The following FBXO3 variants were observed in gnomAD, a reference collection of about 807,000 sequenced individuals.
FBXO3 encodes the protein F-box protein 3, also known as F-box only protein 3.
In FBXO3, 17 loss-of-function variants were observed where a neutral mutation model predicts 64.8. The ratio of observed to expected loss-of-function variants is 0.26; its 90% CI spans 0.18 to 0.39. FBXO3 has a LOEUF of 0.39. Among genes scored for constraint, FBXO3 ranks in the 10% least tolerant of loss-of-function variants. The pLI is 1.00. For synonymous variants in FBXO3, 182 were observed against 201.6 expected, an observed-to-expected ratio of 0.90 and a Z score of 0.82; for missense variants, 420 against 589.9, an observed-to-expected ratio of 0.71 and a Z score of 2.98.
chr11:33,758,724 C>T, intron 3 of FBXO3, 123 bp from the exon 4 acceptor site: 1 of 557,948 alleles, frequency 1.8e-6, no homozygotes, highest in Non-Finnish European at 2.9e-6. Flanking sequence ...AAATATATGG[C>T]TGAAATAGAA....
At chr11:33,764,752 T>C (rs1021363399) in intron 3 of FBXO3, among the ~76,000 whole-genome samples, 1 of 152,120 alleles carries the variant, frequency 6.6e-6, no homozygotes, top group African/African-American at 2.4e-5. Context: ...CACGGGCAGA[T>C]CACTTGTGGT....
chr11:33,769,022 G>A lies in FBXO3; in HGVS notation c.195-8C>T. On this transcript the variant is annotated splice_polypyrimidine_tract_variant and splice_region_variant and intron_variant, in intron 2 of 10. Transcript: ENST00000265651. ...TTCTGTGTTTTCTCTTCCCTAAATA[G>A]ATGAAAAACATGAGATTTTAAATCT... 1 of 1,585,282 alleles carries A rather than the reference G, an allele frequency of 6.3e-7. No homozygotes were observed. The highest frequency in any genetic ancestry group is 8.6e-7 in the Non-Finnish European group (1 of 1,169,128).
Position 33,747,202 on chromosome 11 carries a change from G to A in FBXO3, c.1167C>T (p.Asp389=). The A allele has an allele frequency of 6.2e-7, 1 of 1,611,354 alleles. No homozygotes were observed. The highest frequency in any genetic ancestry group is 8.5e-7 in the Non-Finnish European group (1 of 1,179,204). ...GGGGAATGGCAACATTAAAGATCTT[G>A]TCTTTAAAGTAAAGAAAATGGAAGG... is the stretch of plus-strand genomic sequence containing the variant. The part of the protein sequence containing the change: ...YYTFHFLYFK[D]KIFNVAIPRF... Residue 389 remains aspartate, a synonymous_variant, in exon 10 of 11, where the codon GAC becomes GAT. Coordinates refer to ENST00000265651, the MANE Select transcript of FBXO3 (RefSeq NM_012175.4).
At chr11:33,753,242 T>C (rs1445911109) in intron 6 of FBXO3, 1 of 152,218 alleles carries the variant, frequency 6.6e-6, no homozygotes, top group African/African-American at 2.4e-5. Context: ...TCAGTGTCTC[T>C]CAATCTTTTG....
chr11:33,756,408 C>G (rs1855098783), intron 4 of FBXO3, among the ~76,000 whole-genome samples: 2 of 152,280 alleles, frequency 1.3e-5, no homozygotes, highest in Non-Finnish European at 2.9e-5. Context: ...CAGCTTAAAC[C>G]TTGTCCAAAG....
Position 33,767,177 on chromosome 11 carries a change from A to G in FBXO3, c.358+1674T>C, listed in dbSNP as rs572951353. Among the ~76,000 whole-genome samples, 5 of 152,306 alleles carry G rather than the reference A, an allele frequency of 3.3e-5. No homozygotes were observed. In the South Asian group the frequency reaches 8.3e-4, roughly 25 times the overall value. On this transcript the variant is annotated intron_variant, in intron 3 of 10. Transcript: ENST00000265651. ...ATATACATTCTAAGACATTCCAAAC[A>G]TAATAGGATAGGTCCTGTCTCCCTT...
In FBXO3 at chr11:33,769,766, C is replaced by A. The variant is rs1019797210; in HGVS notation, c.195-752G>T. On this transcript the variant is annotated intron_variant, in intron 2 of 10. Transcript: ENST00000265651. ...GCCTAGGATGACTCCTAATTCTGAT[C>A]TGGATGCCTGAGTGGATGATGCTGC... is the stretch of plus-strand genomic sequence containing the variant. Among the ~76,000 whole-genome samples the A allele has an allele frequency of 3.3e-5, 5 of 149,922 alleles. No homozygotes were observed. The East Asian group carries it at 9.9e-4, about 30-fold the overall frequency.
At chr11:33,753,658 T>C (rs998621583) in intron 6 of FBXO3, 11 of 152,254 alleles carry the variant, frequency 7.2e-5, no homozygotes, top group Admixed American at 3.9e-4. Flanking sequence ...AAGTACACCA[T>C]GAACGTGGAA....
At chr11:33,750,763 T>A in intron 7 of FBXO3, 102 bp from the exon 8 acceptor site, 4 of 1,092,342 alleles carry the variant, frequency 3.7e-6, no homozygotes, top group Non-Finnish European at 5.2e-6. Flanking sequence ...AAATCATATT[T>A]CAGACCCAGA....
intron 10 of FBXO3, chr11:33,746,494 C>T (rs1854815337): frequency 1.9e-6 from 1 of 533,758 alleles, no homozygotes; most frequent in African/African-American, 1.9e-5. Context: ...ATTCCAGAAG[C>T]TAGAGGGCAT....
intron 3 of FBXO3, among the ~76,000 whole-genome samples, chr11:33,766,251 G>T (rs1313208059): frequency 3.3e-5 from 5 of 152,172 alleles, no homozygotes; most frequent in Non-Finnish European, 7.4e-5. Context: ...GTTGTATCTT[G>T]GTCACTAGTT....
intron 3 of FBXO3, among the ~76,000 whole-genome samples, chr11:33,762,809 G>A (rs1217385648): frequency 2.0e-5 from 3 of 150,784 alleles, no homozygotes; most frequent in African/African-American, 7.3e-5. Flanking sequence ...TACAGTAAAG[G>A]ATTGGCAAAG....
chr11:33,761,070 G>C (rs1468768116), intron 3 of FBXO3, among the ~76,000 whole-genome samples: 1 of 151,880 alleles, frequency 6.6e-6, no homozygotes, highest in Non-Finnish European at 1.5e-5. Context: ...TCCAGGAAGT[G>C]GAAAAAATAC....
intron 3 of FBXO3, among the ~76,000 whole-genome samples, chr11:33,765,909 C>T (rs1855357977): frequency 3.9e-5 from 6 of 152,160 alleles, no homozygotes; most frequent in Admixed American, 3.9e-4. Context: ...GAAGCAGATG[C>T]CACCATGCTT....
chr11:33,770,764 G>A lies in FBXO3; in HGVS notation c.171C>T (p.Cys57=). The A allele has an allele frequency of 3.1e-6, 5 of 1,610,792 alleles. No individual in the cohort carries two copies. The highest frequency in any genetic ancestry group is 4.2e-6 in the Non-Finnish European group (5 of 1,177,796). ...SSHDPLWRRH[C]KKYWLISEEE... is the part of the protein sequence containing the mutation. The stretch of plus-strand genomic sequence containing the variant: ...ACTCAGATATCAGCCAGTATTTTTT[G>A]CAATGTCTTCTCCACAGCGGATCAT... The change falls in exon 2 of 11, where the codon TGC becomes TGT. Residue 57 remains cysteine, a synonymous_variant. Transcript: ENST00000265651.
intron 3 of FBXO3, among the ~76,000 whole-genome samples, chr11:33,765,957 CTT>C (rs1250517420): frequency 2.6e-5 from 4 of 152,286 alleles, no homozygotes; most frequent in East Asian, 1.9e-4. Context: ...AATTAAACCT[CTT>C]GTCTTATAAA....
At position 33,761,045 on chromosome 11, in the gene FBXO3, A is replaced by C. The variant is rs564110472; in HGVS notation, c.359-2444T>G. On this transcript the variant is annotated intron_variant, in intron 3 of 10. Transcript: ENST00000265651. The stretch of plus-strand genomic sequence containing the variant: ...GAGGTGATTGGAGTTAAAGCATTCT[A>C]AAGTTCTTTCATTGTCCAGGAAGTG... 8.0e-4 allele frequency among the ~76,000 whole-genome samples: 122 copies of C among 152,316 alleles called. 1 individual carries two copies. The highest frequency in any genetic ancestry group is 1.5e-3 in the Non-Finnish European group (99 of 68,012).
At chr11:33,748,931 CTTCT>C (rs775699514) in intron 8 of FBXO3, 39 bp from the exon 9 acceptor site, 12 of 1,405,170 alleles carry the variant, frequency 8.5e-6, no homozygotes, top group African/African-American at 2.8e-5. Flanking sequence ...AAAAATCTGG[CTTCT>C]TTGTTTCTTT....
chr11:33,758,970 G>A (rs1225530657), intron 3 of FBXO3, among the ~76,000 whole-genome samples: 1 of 151,856 alleles, frequency 6.6e-6, no homozygotes, highest in Non-Finnish European at 1.5e-5. Context: ...CTAAACTGAT[G>A]TTATTTAAGA....
Sources: allele counts gnomAD v4.1 joint callset (sites outside exome capture counted in the v4.1 genomes callset), GRCh38; gene constraint gnomAD v4.1.1; transcripts MANE v1.5; gene names NCBI Gene and HGNC (gene_info 2026-07-23, HGNC 2026-07-21).